PTPRD: variants seen among roughly 807,000 people sequenced by gnomAD.
PTPRD encodes receptor-type tyrosine-protein phosphatase delta.
A neutral mutation model predicts 214.5 loss-of-function variants in PTPRD; 34 were observed. The ratio of observed to expected loss-of-function variants is 0.16; its 90% CI spans 0.12 to 0.21. PTPRD has a LOEUF of 0.21. PTPRD is among the 10% of genes least tolerant of loss of function. The probability of loss-of-function intolerance (pLI) is 1.00; values close to 1 mark genes in which losing one functional copy is unlikely to be tolerated. For synonymous variants in PTPRD, 1,128 were observed against 845.7 expected (o/e 1.33, Z -5.79); for missense variants, 2,545 against 2,398.7 (o/e 1.06, Z -1.27).
chr9:10,550,897 G>A (rs1367656358), intron 2 of PTPRD, among the ~76,000 whole-genome samples: 1 of 152,232 alleles, frequency 6.6e-6, no homozygotes, highest in Non-Finnish European at 1.5e-5. Context: ...TATTGGCATG[G>A]TTCCCATGGC....
intron 11 of PTPRD, among the ~76,000 whole-genome samples, chr9:8,752,932 A>T (rs888330644): frequency 2.6e-5 from 4 of 152,356 alleles, no homozygotes; most frequent in African/African-American, 9.6e-5. Flanking sequence ...CTGACAATAC[A>T]AAAGTGTTTA....
chr9:10,213,743 G>T (rs1400655363), intron 3 of PTPRD, among the ~76,000 whole-genome samples: 2 of 151,916 alleles, frequency 1.3e-5, no homozygotes, highest in Non-Finnish European at 2.9e-5. Flanking sequence ...AATGAGTCCT[G>T]GACAAAACAA....
At chr9:10,361,900 A>T (rs143526795) in intron 2 of PTPRD, among the ~76,000 whole-genome samples, 2 of 152,350 alleles carry the variant, frequency 1.3e-5, no homozygotes, top group African/African-American at 4.8e-5. Context: ...AGAGCAAATT[A>T]GATGGGCACA....
intron 8 of PTPRD, among the ~76,000 whole-genome samples, chr9:9,538,179 TTG>T (rs2076893038): frequency 6.6e-6 from 1 of 151,960 alleles, no homozygotes; most frequent in Non-Finnish European, 1.5e-5. Context: ...AACTGAAACA[TTG>T]TGTTTTTCTT....
chr9:8,353,920 A>ATATATG lies in PTPRD; in HGVS notation c.4662-11943_4662-11942insCATATA, dbSNP rs1241512494. ...TATATGTATATATGTGTATATATGTATATATATGTGTGTGTACATATATAT... is the reference window on the plus strand; with the variant it reads ...TATATGTATATATGTGTATATATGTATATATGTATATATGTGTGTGTACATATATAT... On this transcript the variant is annotated intron_variant, in intron 39 of 45. Coordinates refer to ENST00000381196, the MANE Select transcript of PTPRD (RefSeq NM_002839.4). Among the ~76,000 whole-genome samples the ATATATG allele has an allele frequency of 2.7e-3, 357 of 131,660 alleles. 16 individuals are homozygous for ATATATG. Among genetic ancestry groups the ATATATG allele is most frequent in the African/African-American group, 0.011 (329 of 29,606 alleles). The allele number at this position is 131,660 out of a possible 152,430, so 86.4% of individuals were successfully genotyped here. A position where few individuals can be genotyped will look rare whatever the true frequency, so the allele number is the denominator to read the frequency against.
chr9:9,488,146 G>A (rs908138771), intron 8 of PTPRD, among the ~76,000 whole-genome samples: 5 of 151,952 alleles, frequency 3.3e-5, no homozygotes, highest in African/African-American at 9.7e-5. Context: ...TAAATAATGC[G>A]GAATATTTTT....
chr9:8,464,784 A>G (rs1223577867), intron 32 of PTPRD, among the ~76,000 whole-genome samples: 4 of 151,842 alleles, frequency 2.6e-5, no homozygotes, highest in Non-Finnish European at 5.9e-5. Flanking sequence ...ATTACATAAA[A>G]GAAGAAAACT....
At chr9:9,117,564 C>T (rs2099813607) in intron 10 of PTPRD, among the ~76,000 whole-genome samples, 1 of 152,096 alleles carries the variant, frequency 6.6e-6, no homozygotes. Context: ...GGAACAAGAT[C>T]TTTTATTTTT....
chr9:8,473,030 T>A (rs746188558), intron 30 of PTPRD, among the ~76,000 whole-genome samples: 1 of 152,214 alleles, frequency 6.6e-6, no homozygotes, highest in African/African-American at 2.4e-5. Flanking sequence ...TGCTACTGGC[T>A]AGTATGAACA....
At chr9:9,001,284 G>C (rs1589584011) in intron 11 of PTPRD, among the ~76,000 whole-genome samples, 1 of 152,016 alleles carries the variant, frequency 6.6e-6, no homozygotes, top group Admixed American at 6.6e-5. Flanking sequence ...GGAAGGTTTA[G>C]CAGGAGCCTT....
chr9:10,169,755 G>A (rs1375158258), intron 3 of PTPRD, among the ~76,000 whole-genome samples: 1 of 152,112 alleles, frequency 6.6e-6, no homozygotes, highest in African/African-American at 2.4e-5. Context: ...CTGTAGATGA[G>A]TGTTTAGGCA....
At chr9:8,819,369 A>C (rs1211561875) in intron 11 of PTPRD, among the ~76,000 whole-genome samples, 3 of 152,172 alleles carry the variant, frequency 2.0e-5, no homozygotes, top group African/African-American at 7.2e-5. Context: ...CTCTAATATA[A>C]AAGCTCTTTG....
At chr9:9,035,613 T>C (rs116578566) in intron 10 of PTPRD, among the ~76,000 whole-genome samples, 2,186 of 146,900 alleles carry the variant, frequency 0.015, 66 homozygotes, top group African/African-American at 0.051. Context: ...ACATAGATGG[T>C]CACCTCAATT....
At chr9:9,336,522 A>T (rs574876036) in intron 9 of PTPRD, among the ~76,000 whole-genome samples, 6 of 152,208 alleles carry the variant, frequency 3.9e-5, no homozygotes, top group African/African-American at 1.2e-4. Context: ...TGCCCTTCCC[A>T]TATCCCTAAA....
chr9:9,607,939 C>T (rs1253075983), intron 7 of PTPRD, among the ~76,000 whole-genome samples: 7 of 151,926 alleles, frequency 4.6e-5, no homozygotes. Context: ...ATCCTGCATT[C>T]GGATAAAGGG....
intron 9 of PTPRD, among the ~76,000 whole-genome samples, chr9:9,203,338 A>G (rs913815544): frequency 5.9e-5 from 9 of 152,122 alleles, no homozygotes; most frequent in African/African-American, 1.7e-4. Context: ...CAAAACTGGC[A>G]TATAGTAGAG....
intron 5 of PTPRD, among the ~76,000 whole-genome samples, chr9:9,889,409 A>G (rs2072360277): frequency 6.6e-6 from 1 of 152,160 alleles, no homozygotes. Flanking sequence ...AAAAATACAA[A>G]TTTAAAAGTA....
chr9:8,964,809 C>A (rs907765022), intron 11 of PTPRD, among the ~76,000 whole-genome samples: 2 of 152,024 alleles, frequency 1.3e-5, no homozygotes, highest in Non-Finnish European at 2.9e-5. Context: ...CATTGTTTAT[C>A]CAAAAGTCAT....
chr9:10,567,362 G>C (rs897032758), intron 2 of PTPRD, among the ~76,000 whole-genome samples: 2 of 150,302 alleles, frequency 1.3e-5, no homozygotes, highest in African/African-American at 4.9e-5. Context: ...CTATTATTAG[G>C]TAAATACTAT....
Sources: gnomAD v4.1 joint callset for allele counts (sites outside exome capture counted in the v4.1 genomes callset) on GRCh38, gnomAD v4.1.1 for gene constraint, MANE v1.5 for transcripts, NCBI Gene and HGNC (gene_info 2026-07-23, HGNC 2026-07-21) for gene names.